The following UBA52 variants were observed in gnomAD, a reference collection of about 807,000 sequenced individuals.
UBA52 encodes the protein ubiquitin-ribosomal protein eL40 fusion protein.
UBA52 carries 1 observed loss-of-function variant against 15.3 expected under a neutral mutation model. The ratio of observed to expected loss-of-function variants is 0.07; its 90% confidence interval spans 0.02 to 0.31. The LOEUF (loss-of-function observed/expected upper bound fraction) is 0.31, where lower values mean the gene tolerates loss of function less well. Among genes scored for constraint, UBA52 ranks in the 10% least tolerant of loss-of-function variants. The pLI is 1.00. For missense variants in UBA52, 87 were observed against 168.0 expected, an observed-to-expected ratio of 0.52 and a Z score of 2.66; for synonymous variants, 50 against 58.3, an observed-to-expected ratio of 0.86 and a Z score of 0.65.
Position 18,575,161 on chromosome 19 carries a change from T to C in UBA52, c.*11T>C, listed in dbSNP as rs200013581. 6 of 1,614,096 alleles carry C rather than the reference T, an allele frequency of 3.7e-6. No homozygotes were observed. Among genetic ancestry groups the C allele is most frequent in the African/African-American group, 2.7e-5 (2 of 75,044 alleles). ...AAGAAGGTCAAATAAGGTGGTTCTT[T>C]CCTTGAAGGGCAGCCTCCTGCCCAG... is the stretch of plus-strand genomic sequence containing the variant. On this transcript the variant is annotated 3_prime_UTR_variant, in exon 5 of 5. Coordinates refer to ENST00000442744, the MANE Select transcript of UBA52 (RefSeq NM_001033930.3).
the UBA52 span, chr19:18,564,805 TGGGCCAGGTTGGGCAG>T: frequency 2.5e-6 from 4 of 1,585,174 alleles, no homozygotes; most frequent in Non-Finnish European, 3.4e-6. Context: ...AACAGTCTTC[TGGGCCAGGTTGGGCAG>T]GGCCCTGAAG....
At chr19:18,566,340 C>T in the UBA52 span, among the ~76,000 whole-genome samples, 3 of 151,880 alleles carry the variant, frequency 2.0e-5, no homozygotes, top group South Asian at 2.1e-4. Flanking sequence ...TGGTGGTGGG[C>T]GTCTGTATTG....
chr19:18,573,624 G>T lies in UBA52; in HGVS notation c.104-38G>T. 6 of 1,604,982 alleles carry T rather than the reference G, an allele frequency of 3.7e-6. No individual in the cohort carries two copies. In the South Asian group the frequency reaches 6.6e-5, roughly 18 times the overall value. ...TGCAGAGGACACTGCCAGTAATATG[G>T]TCCGCAGAGCCTCTAACTGAGCCTC... On this transcript the variant is annotated intron_variant, in intron 2 of 4. Coordinates refer to ENST00000442744, the MANE Select transcript of UBA52 (RefSeq NM_001033930.3).
At chr19:18,563,992 T>G in the UBA52 span, among the ~76,000 whole-genome samples, 1 of 152,010 alleles carries the variant, frequency 6.6e-6, no homozygotes, top group African/African-American at 2.4e-5. Flanking sequence ...GTTCAAATGA[T>G]TCTCCTGCCT....
chr19:18,565,183 A>T, the UBA52 span: 2 of 1,412,512 alleles, frequency 1.4e-6, no homozygotes, highest in Admixed American at 2.9e-5. Context: ...CTGGGATAAA[A>T]TCTTGACGTA....
upstream of UBA52, chr19:18,568,684 C>T: frequency 7.2e-7 from 1 of 1,389,912 alleles, no homozygotes; most frequent in South Asian, 1.2e-5. Context: ...TACAAGGTGG[C>T]AGCGGGTAAC....
chr19:18,573,437 G>A, intron 2 of UBA52, 34 bp downstream of exon 2: 1 of 1,566,588 alleles, frequency 6.4e-7, no homozygotes, highest in East Asian at 2.2e-5. Context: ...CTCTGGCTGT[G>A]AACTGGGAGT....
At position 18,575,062 on chromosome 19, in the gene UBA52, A is replaced by G. The variant is rs965921562; in HGVS notation, c.299A>G (p.Tyr100Cys). ...NCDKMICRKC[Y>C]ARLHPRAVNC... is the part of the protein sequence containing the mutation. ...CCCCTCCTGTCTCTGTGCAGGTGCT[A>G]TGCTCGCCTTCACCCTCGTGCTGTC... Residue 100 changes from tyrosine (Y) to cysteine (C), a missense_variant, in exon 5 of 5, where the codon TAT (tyrosine) becomes TGT (cysteine). Tyr to Cys is a radical substitution (Grantham distance 194, BLOSUM62 -2). Coordinates refer to ENST00000442744, the MANE Select transcript of UBA52 (RefSeq NM_001033930.3). 1 of 1,613,996 alleles carries G rather than the reference A, an allele frequency of 6.2e-7. No homozygotes were observed. The highest frequency in any genetic ancestry group is 8.5e-7 in the Non-Finnish European group (1 of 1,180,036).
At chr19:18,566,906 G>GTTGGTGCC (rs1253400196), upstream of UBA52, among the ~76,000 whole-genome samples, 6 of 152,358 alleles carry the variant, frequency 3.9e-5, no homozygotes, top group East Asian at 1.2e-3. Context: ...CTAGTTGGGG[G>GTTGGTGCC]TTGGTGCCTA....
At chr19:18,573,121 G>A in intron 1 of UBA52, 172 bp from the exon 2 acceptor site, 1 of 1,149,688 alleles carries the variant, frequency 8.7e-7, no homozygotes, top group Non-Finnish European at 1.2e-6. Flanking sequence ...CAGGGTGTGT[G>A]AGAAGCCTAG....
chr19:18,565,026 G>T, the UBA52 span: 6 of 1,569,440 alleles, frequency 3.8e-6, no homozygotes, highest in Non-Finnish European at 5.1e-6. Flanking sequence ...TATCAGGTGG[G>T]TGCTCAGTGC....
chr19:18,563,917 C>T, the UBA52 span, among the ~76,000 whole-genome samples: 5,038 of 150,982 alleles, frequency 0.033, 293 homozygotes, highest in African/African-American at 0.11. Context: ...GACATAGTTT[C>T]GCACTGTCAC....
chr19:18,571,353 T>C (rs558630931), upstream of UBA52, among the ~76,000 whole-genome samples: 1 of 151,046 alleles, frequency 6.6e-6, no homozygotes, highest in South Asian at 2.1e-4. Flanking sequence ...CTTGACACCT[T>C]TTGTCAGGCA....
chr19:18,564,169 G>T, the UBA52 span, among the ~76,000 whole-genome samples: 1 of 152,174 alleles, frequency 6.6e-6, no homozygotes, highest in East Asian at 1.9e-4. Context: ...GCAGGCATGA[G>T]CCCCCATGCC....
chr19:18,567,465 G>C, upstream of UBA52: 1 of 709,156 alleles, frequency 1.4e-6, no homozygotes, highest in East Asian at 2.6e-5. Flanking sequence ...AGCCATCTCA[G>C]AACAGAGCAC....
upstream of UBA52, among the ~76,000 whole-genome samples, chr19:18,569,986 G>A (rs143271797): frequency 6.5e-3 from 997 of 152,228 alleles, 12 homozygotes; most frequent in African/African-American, 0.023. Flanking sequence ...AGCCAAGATC[G>A]CACCACTGCA....
At chr19:18,564,577 C>T in the UBA52 span, among the ~76,000 whole-genome samples, 3 of 152,100 alleles carry the variant, frequency 2.0e-5, no homozygotes, top group Non-Finnish European at 4.4e-5. Context: ...GAGCCGAGAT[C>T]GCGCCACTGC....
the UBA52 span, among the ~76,000 whole-genome samples, chr19:18,566,440 A>T: frequency 1.4e-5 from 2 of 139,856 alleles, no homozygotes; most frequent in African/African-American, 5.1e-5. Flanking sequence ...TGGGCGACAG[A>T]GCGAGACTCC....
At position 18,574,977 on chromosome 19, in the gene UBA52, G is replaced by T. The variant is rs879061476; in HGVS notation, c.293+5G>T. 6 of 1,614,198 alleles carry T rather than the reference G, an allele frequency of 3.7e-6. No homozygotes were observed. The highest frequency in any genetic ancestry group is 5.1e-6 in the Non-Finnish European group (6 of 1,180,040). On this transcript the variant is annotated splice_donor_5th_base_variant and intron_variant, in intron 4 of 4. Transcript: ENST00000442744. ...CGACAAGATGATCTGCCGCAAGTAT[G>T]TGTGCTCCGATGCTTGGGGGGCTGT...
Sources: gnomAD v4.1 joint callset for allele counts (sites outside exome capture counted in the v4.1 genomes callset) on GRCh38, gnomAD v4.1.1 for gene constraint, MANE v1.5 for transcripts, NCBI Gene and HGNC (gene_info 2026-07-23, HGNC 2026-07-21) for gene names.